The following GPC5 variants were observed in gnomAD, a reference collection of about 807,000 sequenced individuals.
The protein encoded by GPC5 is glypican-5.
A neutral mutation model predicts 53.9 loss-of-function variants in GPC5; 47 were observed. That is an observed-to-expected ratio of 0.87 (90% confidence interval 0.69 to 1.11). The LOEUF (loss-of-function observed/expected upper bound fraction) is 1.11, where lower values mean the gene tolerates loss of function less well. Ranked by LOEUF, GPC5 falls within the 50% of genes most tolerant of loss-of-function variation. GPC5 has a pLI of 0.00. For missense variants in GPC5, 748 were observed against 713.1 expected (o/e 1.05, Z -0.56); for synonymous variants, 286 against 263.3 (o/e 1.09, Z -0.84).
At chr13:92,374,759 C>T (rs540517286) in intron 7 of GPC5, among the ~76,000 whole-genome samples, 1 of 144,694 alleles carries the variant, frequency 6.9e-6, no homozygotes, top group East Asian at 2.0e-4. Context: ...TGCTAGATGA[C>T]GAGTTAGTGG....
rs534598254 is a variant in GPC5 at position 92,467,822 on chromosome 13, A to G, written c.1561+322833A>G. Among the ~76,000 whole-genome samples the G allele has an allele frequency of 1.2e-4, 18 of 152,248 alleles. No individual in the cohort carries two copies. In the South Asian group the frequency reaches 3.5e-3, roughly 30 times the overall value. On this transcript the variant is annotated intron_variant, in intron 7 of 7. Coordinates refer to ENST00000377067, the MANE Select transcript of GPC5 (RefSeq NM_004466.6). ...CGAAAAAACATTATTTGTTCAATGA[A>G]GAAGATATATGCAGTTTAAATGTCT...
At chr13:91,756,892 A>AAGAG (rs976683891) in intron 5 of GPC5, among the ~76,000 whole-genome samples, 1 of 151,104 alleles carries the variant, frequency 6.6e-6, no homozygotes, top group Non-Finnish European at 1.5e-5. Flanking sequence ...GCATGCAAGA[A>AAGAG]AGAGAGAGAG....
intron 7 of GPC5, among the ~76,000 whole-genome samples, chr13:92,474,009 G>T (rs551721366): frequency 6.6e-6 from 1 of 152,240 alleles, no homozygotes; most frequent in East Asian, 1.9e-4. Context: ...GAGATTAGAT[G>T]TTGAGGTTTA....
rs1279788353 is a variant in GPC5 at position 92,437,880 on chromosome 13, C to T, written c.1561+292891C>T. Reference sequence around the variant, plus strand: ...TCCTGCTGTAAATCTCTCTGGATCTCTCCTCTACAATAAGCTAGAGAAAAC... The same window carrying T: ...TCCTGCTGTAAATCTCTCTGGATCTTTCCTCTACAATAAGCTAGAGAAAAC... On this transcript the variant is annotated intron_variant, in intron 7 of 7. Coordinates refer to ENST00000377067, the MANE Select transcript of GPC5 (RefSeq NM_004466.6). 2.0e-5 allele frequency among the ~76,000 whole-genome samples: 3 copies of T among 152,068 alleles called. No individual in the cohort carries two copies. In the East Asian group the frequency reaches 5.8e-4, roughly 29 times the overall value.
intron 2 of GPC5, among the ~76,000 whole-genome samples, chr13:91,472,159 A>G (rs1043855602): frequency 6.6e-6 from 1 of 152,144 alleles, no homozygotes; most frequent in African/African-American, 2.4e-5. Flanking sequence ...TACATCTTAT[A>G]TTTGTAACCA....
At chr13:92,283,947 C>G (rs1224239522) in intron 7 of GPC5, among the ~76,000 whole-genome samples, 1 of 152,146 alleles carries the variant, frequency 6.6e-6, no homozygotes, top group African/African-American at 2.4e-5. Flanking sequence ...ATCAATGAAT[C>G]CAGGATCTGG....
intron 6 of GPC5, among the ~76,000 whole-genome samples, chr13:91,974,093 A>G (rs2040272416): frequency 6.6e-6 from 1 of 152,328 alleles, no homozygotes; most frequent in Middle Eastern, 3.4e-3. Flanking sequence ...TGGAATCTAC[A>G]GAGGCAGGCA....
chr13:92,572,211 G>GA (rs1883048762), intron 7 of GPC5, among the ~76,000 whole-genome samples: 1 of 152,134 alleles, frequency 6.6e-6, no homozygotes, highest in Admixed American at 6.5e-5. Context: ...TTTTCCTTCA[G>GA]AATTAAATAT....
chr13:91,723,168 TA>T (rs1042178836), intron 3 of GPC5, among the ~76,000 whole-genome samples: 9 of 152,114 alleles, frequency 5.9e-5, no homozygotes, highest in Non-Finnish European at 8.8e-5. Context: ...TATTTTTATT[TA>T]TTTTTTTTTC....
intron 7 of GPC5, among the ~76,000 whole-genome samples, chr13:92,321,737 C>G (rs1364965766): frequency 6.6e-6 from 1 of 152,118 alleles, no homozygotes; most frequent in Non-Finnish European, 1.5e-5. Context: ...TTACGGTATA[C>G]TGATTATGCT....
intron 7 of GPC5, among the ~76,000 whole-genome samples, chr13:92,603,692 G>C (rs879162784): frequency 6.6e-6 from 1 of 152,182 alleles, no homozygotes; most frequent in South Asian, 2.1e-4. Flanking sequence ...TGGAAAAGAA[G>C]AGTATATGTC....
chr13:91,824,269 T>C (rs568252594), intron 5 of GPC5, among the ~76,000 whole-genome samples: 1 of 151,940 alleles, frequency 6.6e-6, no homozygotes, highest in Non-Finnish European at 1.5e-5. Flanking sequence ...GACAGAAAGA[T>C]GAGATTATAA....
intron 7 of GPC5, among the ~76,000 whole-genome samples, chr13:92,793,642 T>G (rs1014073994): frequency 2.0e-5 from 3 of 151,442 alleles, no homozygotes; most frequent in African/African-American, 4.8e-5. Context: ...ACTAGCAAGA[T>G]TAATAAGGAA....
chr13:91,956,779 C>T (rs570167572), intron 6 of GPC5, among the ~76,000 whole-genome samples: 1 of 152,258 alleles, frequency 6.6e-6, no homozygotes, highest in Admixed American at 6.5e-5. Flanking sequence ...CCAAAGTACC[C>T]TATCCAATTA....
intron 7 of GPC5, among the ~76,000 whole-genome samples, chr13:92,378,936 T>C (rs563570407): frequency 7.5e-4 from 114 of 152,304 alleles, no homozygotes; most frequent in African/African-American, 2.7e-3. Context: ...ACTGCCAGTC[T>C]CTAATCATAT....
chr13:92,717,428 A>T (rs2139280828), intron 7 of GPC5, among the ~76,000 whole-genome samples: 1 of 152,258 alleles, frequency 6.6e-6, no homozygotes, highest in East Asian at 1.9e-4. Context: ...TCAATTTGAC[A>T]TTTAATTATA....
At chr13:92,359,746 C>T (rs2043550861) in intron 7 of GPC5, among the ~76,000 whole-genome samples, 1 of 151,502 alleles carries the variant, frequency 6.6e-6, no homozygotes, top group African/African-American at 2.4e-5. Context: ...TGCCACAACA[C>T]TTTTAAACAA....
chr13:92,504,636 G>A (rs1880303958), intron 7 of GPC5, among the ~76,000 whole-genome samples: 1 of 151,908 alleles, frequency 6.6e-6, no homozygotes, highest in Admixed American at 6.6e-5. Flanking sequence ...CTAAGGGCCG[G>A]ACACAGAGAT....
chr13:92,234,274 A>G lies in GPC5; in HGVS notation c.1561+89285A>G, dbSNP rs377694735. ...GGTTGAACTAGTTTACAGTCCCACC[A>G]ACAGTGTAAAAGTGTTCCTCTTTCT... On this transcript the variant is annotated intron_variant, in intron 7 of 7. Coordinates refer to ENST00000377067, the MANE Select transcript of GPC5 (RefSeq NM_004466.6). 2.0e-5 allele frequency among the ~76,000 whole-genome samples: 3 copies of G among 152,312 alleles called. 1 individual carries two copies. The highest frequency in any genetic ancestry group is 7.2e-5 in the African/African-American group (3 of 41,562).
Sources: gnomAD v4.1 joint callset for allele counts (sites outside exome capture counted in the v4.1 genomes callset) on GRCh38, gnomAD v4.1.1 for gene constraint, MANE v1.5 for transcripts, NCBI Gene and HGNC (gene_info 2026-07-23, HGNC 2026-07-21) for gene names.